GNA13: variants seen among roughly 807,000 people sequenced by gnomAD.
GNA13 encodes guanine nucleotide-binding protein subunit alpha-13.
GNA13 carries 4 observed loss-of-function variants against 33.5 expected under a neutral mutation model. That is an observed-to-expected ratio of 0.12 (90% CI 0.06 to 0.27). The LOEUF (loss-of-function observed/expected upper bound fraction) is 0.27. Among genes scored for constraint, GNA13 ranks in the 10% least tolerant of loss-of-function variants. The probability of loss-of-function intolerance (pLI) is 1.00; values close to 1 mark genes in which losing one functional copy is unlikely to be tolerated. For missense variants in GNA13, 319 were observed against 487.2 expected (o/e 0.65, Z 3.25); for synonymous variants, 176 against 183.8 (o/e 0.96, Z 0.34).
chr17:65,041,239 A>C (rs1000094801), intron 2 of GNA13, among the ~76,000 whole-genome samples: 2 of 152,236 alleles, frequency 1.3e-5, no homozygotes, highest in African/African-American at 4.8e-5. Flanking sequence ...AGAGAAAAGA[A>C]ATGGCCTATT....
chr17:65,036,770 C>T (rs768998697), intron 2 of GNA13, among the ~76,000 whole-genome samples: 2 of 152,194 alleles, frequency 1.3e-5, no homozygotes, highest in Non-Finnish European at 2.9e-5. Context: ...TCCTTCACCT[C>T]TGTGGCCATA....
intron 2 of GNA13, among the ~76,000 whole-genome samples, chr17:65,046,841 T>C (rs1907681895): frequency 6.6e-6 from 1 of 152,222 alleles, no homozygotes; most frequent in Admixed American, 6.5e-5. Context: ...ATTGTGCCCC[T>C]AGCTTTGTTT....
At chr17:65,031,919 A>AGTGTGTGTGTGTGT (rs1907050606) in intron 2 of GNA13, among the ~76,000 whole-genome samples, 1 of 125,478 alleles carries the variant, frequency 8.0e-6, no homozygotes, top group Non-Finnish European at 1.7e-5. Flanking sequence ...AGAGAGAGAG[A>AGTGTGTGTGTGTGT]GAGTGTGTGT....
rs973334844 is a variant in GNA13, at chr17:65,011,602, A to C, written c.*2655T>G. The stretch of plus-strand genomic sequence containing the variant: ...ACTGTATATACATTTCTTCAAGGTC[A>C]ATGAAGACACTTGTGTGATATTTCC... On this transcript the variant is annotated 3_prime_UTR_variant, in exon 4 of 4. Transcript: ENST00000439174. The C allele has an allele frequency of 9.2e-6, 2 of 216,992 alleles. No homozygotes were observed. Among genetic ancestry groups the C allele is most frequent in the Admixed American group, 5.8e-5 (1 of 17,236 alleles). The allele number at this position is 216,992 out of a possible 1,614,324, so 13.4% of individuals were successfully genotyped here. A position where few individuals can be genotyped will look rare whatever the true frequency, so the allele number is the denominator to read the frequency against.
chr17:65,039,571 G>C (rs1907382664), intron 2 of GNA13, among the ~76,000 whole-genome samples: 2 of 152,164 alleles, frequency 1.3e-5, no homozygotes, highest in African/African-American at 4.8e-5. Flanking sequence ...CTTTGCACAT[G>C]GTGCTCATTC....
chr17:65,041,074 TTC>T (rs1279110735), intron 2 of GNA13, among the ~76,000 whole-genome samples: 1 of 152,242 alleles, frequency 6.6e-6, no homozygotes, highest in African/African-American at 2.4e-5. Flanking sequence ...TCTATATAAC[TTC>T]TGAGCCAATT....
intron 2 of GNA13, among the ~76,000 whole-genome samples, chr17:65,049,134 G>A (rs918398058): frequency 1.3e-5 from 2 of 152,018 alleles, no homozygotes; most frequent in Non-Finnish European, 2.9e-5. Context: ...TTTTGAGACA[G>A]GGTCTCACTC....
In GNA13 at chr17:65,053,684, A is replaced by G; in HGVS notation, c.328T>C (p.Trp110Arg). ...TGTTGTTGGTTTGAGTTGTCTCCCC[A>G]GGGAATATGAAGCTTCTCTCGAGCA... ...VDAREKLHIP[W>R]GDNSNQQHGD... Residue 110 changes from tryptophan (W) to arginine (R), a missense_variant, in exon 2 of 4, where the codon TGG becomes CGG. Trp to Arg is a moderately radical substitution (Grantham distance 101). This residue lies in a region of GNA13 where 136 missense variants were observed against 159.3 expected (regional missense o/e 0.85). Transcript: ENST00000439174. 6.2e-7 allele frequency: 1 copy of G among 1,614,066 alleles called. No individual in the cohort carries two copies. The highest frequency in any genetic ancestry group is 8.5e-7 in the Non-Finnish European group (1 of 1,179,902).
At chr17:65,021,604 G>T (rs1381602288) in intron 2 of GNA13, among the ~76,000 whole-genome samples, 1 of 152,196 alleles carries the variant, frequency 6.6e-6, no homozygotes, top group Non-Finnish European at 1.5e-5. Context: ...GATTTAGAAT[G>T]CACTTCTTTA....
intron 2 of GNA13, among the ~76,000 whole-genome samples, chr17:65,039,070 C>T (rs941816796): frequency 2.6e-5 from 4 of 152,190 alleles, no homozygotes; most frequent in African/African-American, 7.2e-5. Flanking sequence ...ATATCATTCT[C>T]CCATGATCCT....
chr17:65,041,055 ATC>A (rs1398794832), intron 2 of GNA13, among the ~76,000 whole-genome samples: 5 of 152,230 alleles, frequency 3.3e-5, no homozygotes, highest in Non-Finnish European at 7.3e-5. Flanking sequence ...ATGATGATAT[ATC>A]TGATTTTCTA....
chr17:65,038,601 G>A (rs941360667), intron 2 of GNA13, among the ~76,000 whole-genome samples: 1 of 152,054 alleles, frequency 6.6e-6, no homozygotes, highest in Non-Finnish European at 1.5e-5. Flanking sequence ...TAGTAGAGAC[G>A]GGGTTGCGGG....
rs568797418 is a variant in GNA13, at chr17:65,025,758, T to C, written c.511-7455A>G. On this transcript the variant is annotated intron_variant, in intron 2 of 3. Coordinates refer to ENST00000439174, the MANE Select transcript of GNA13 (RefSeq NM_006572.6). ...ACTTTGGGAGGCTAAAGAGCAAGGA[T>C]CGCCTGAGCCCAGGAGTTCGAGACC... Among the ~76,000 whole-genome samples, 261 of 148,464 alleles carry C rather than the reference T, an allele frequency of 1.8e-3. 2 individuals are homozygous for C. Among genetic ancestry groups the C allele is most frequent in the African/African-American group, 6.2e-3 (247 of 40,016 alleles).
At chr17:65,031,319 C>CT (rs1363918987) in intron 2 of GNA13, among the ~76,000 whole-genome samples, 1 of 152,216 alleles carries the variant, frequency 6.6e-6, no homozygotes, top group East Asian at 1.9e-4. Context: ...TATAGGGCAG[C>CT]TCCCTTATCA....
At chr17:65,022,057 T>G (rs1906600664) in intron 2 of GNA13, among the ~76,000 whole-genome samples, 1 of 152,226 alleles carries the variant, frequency 6.6e-6, no homozygotes, top group Non-Finnish European at 1.5e-5. Flanking sequence ...ACAAACTATA[T>G]AGCCTGAAGG....
intron 1 of GNA13, chr17:65,055,737 C>A: frequency 1.0e-6 from 1 of 985,502 alleles, no homozygotes; most frequent in Non-Finnish European, 1.2e-6. Flanking sequence ...TCACCCTACG[C>A]CCTTGACAAG....
At chr17:65,038,974 A>G (rs1359667521) in intron 2 of GNA13, among the ~76,000 whole-genome samples, 2 of 152,214 alleles carry the variant, frequency 1.3e-5, no homozygotes, top group African/African-American at 4.8e-5. Flanking sequence ...TTACACCACC[A>G]TAAAGTAAAA....
intron 2 of GNA13, among the ~76,000 whole-genome samples, chr17:65,031,893 AGAAAGAG>A (rs1907038985): frequency 3.1e-5 from 4 of 131,014 alleles, no homozygotes; most frequent in African/African-American, 1.1e-4. Context: ...AGAGAGAGAG[AGAAAGAG>A]AGAGAGAGAG....
At chr17:65,046,399 CCTT>C (rs1598498475) in intron 2 of GNA13, among the ~76,000 whole-genome samples, 1 of 152,090 alleles carries the variant, frequency 6.6e-6, no homozygotes, top group African/African-American at 2.4e-5. Flanking sequence ...CAAGCAATCT[CCTT>C]CTCTCAACCT....
Sources: allele counts gnomAD v4.1 joint callset (sites outside exome capture counted in the v4.1 genomes callset), GRCh38; gene constraint gnomAD v4.1.1; regional missense constraint gnomAD v4.1.1; transcripts MANE v1.5; gene names NCBI Gene and HGNC (gene_info 2026-07-23, HGNC 2026-07-21).